Variants in CHLSN observed in about 807,000 individuals in gnomAD.
CHLSN encodes cholesin.
the CHLSN span, among the ~76,000 whole-genome samples, chr7:1,019,210 A>G: frequency 2.9e-5 from 2 of 69,850 alleles, no homozygotes; most frequent in African/African-American, 6.0e-5. Context: ...AAAAAAAAAA[A>G]ACGGGGGGGG....
the CHLSN span, among the ~76,000 whole-genome samples, chr7:1,088,894 A>G: frequency 6.6e-6 from 1 of 151,934 alleles, no homozygotes; most frequent in Non-Finnish European, 1.5e-5. The surrounding 1 kb of genome is among the most constrained non-coding windows in gnomAD (Gnocchi z 4.5). Context: ...ACACTAGGAC[A>G]CATCAGACAC....
chr7:1,007,092 G>T, the CHLSN span, among the ~76,000 whole-genome samples: 2 of 152,324 alleles, frequency 1.3e-5, no homozygotes, highest in South Asian at 4.1e-4. Context: ...GGGATCTGGA[G>T]GGGAGACCCC....
the CHLSN span, among the ~76,000 whole-genome samples, chr7:1,110,125 C>G: frequency 6.6e-6 from 1 of 152,208 alleles, no homozygotes; most frequent in Non-Finnish European, 1.5e-5. Flanking sequence ...CAGAGGACCT[C>G]GCGCCGGCCG....
the CHLSN span, among the ~76,000 whole-genome samples, chr7:1,066,677 C>T: frequency 2.6e-5 from 4 of 152,222 alleles, no homozygotes; most frequent in Non-Finnish European, 5.9e-5. Flanking sequence ...CTTGGTACTG[C>T]GTCCCCAGCT....
the CHLSN span, among the ~76,000 whole-genome samples, chr7:1,099,406 G>A: frequency 6.6e-6 from 1 of 152,262 alleles, no homozygotes; most frequent in African/African-American, 2.4e-5. Context: ...TTCGTTAGCA[G>A]CCACAAAACA....
chr7:1,057,731 A>G, the CHLSN span: 1 of 775,614 alleles, frequency 1.3e-6, no homozygotes, highest in East Asian at 2.4e-5. Context: ...TGGCAGTGGC[A>G]GGCCTGGTGC....
chr7:1,116,339 G>T, the CHLSN span, among the ~76,000 whole-genome samples: 3 of 132,112 alleles, frequency 2.3e-5, no homozygotes, highest in African/African-American at 9.2e-5. Context: ...CAACGCCCAT[G>T]CAGGATGATG....
chr7:1,001,810 G>A, the CHLSN span, among the ~76,000 whole-genome samples: 3 of 114,026 alleles, frequency 2.6e-5, no homozygotes, highest in Non-Finnish European at 5.4e-5. Flanking sequence ...TGGGTAGGGA[G>A]TCCTGTGGGT....
At chr7:1,021,455 G>A in the CHLSN span, 176 of 985,352 alleles carry the variant, frequency 1.8e-4, no homozygotes, top group Non-Finnish European at 2.0e-4. Context: ...CATTAAGTCT[G>A]ATCGGCAGTG....
chr7:1,105,781 T>C, the CHLSN span, among the ~76,000 whole-genome samples: 1 of 152,224 alleles, frequency 6.6e-6, no homozygotes, highest in African/African-American at 2.4e-5. Context: ...TTGGCTAACA[T>C]TTCTCTTTCT....
chr7:1,137,875 A>G, the CHLSN span: 3 of 152,262 alleles, frequency 2.0e-5, no homozygotes, highest in Admixed American at 6.5e-5. Context: ...TCAGAGAAAG[A>G]CAATGAAACC....
the CHLSN span, chr7:1,093,641 G>T: frequency 5.5e-5 from 26 of 471,172 alleles, no homozygotes; most frequent in Non-Finnish European, 1.1e-4. Flanking sequence ...GGTTAGTCGG[G>T]TGCCAGGACA....
At chr7:1,064,130 G>A in the CHLSN span, among the ~76,000 whole-genome samples, 1 of 152,212 alleles carries the variant, frequency 6.6e-6, no homozygotes, top group African/African-American at 2.4e-5. Flanking sequence ...GCACACATAT[G>A]CAAGCACGCA....
the CHLSN span, among the ~76,000 whole-genome samples, chr7:1,016,888 A>ACCAGCGCACAGCAGCACACG: frequency 2.5e-4 from 17 of 68,280 alleles, 2 homozygotes; most frequent in Non-Finnish European, 3.8e-4. Flanking sequence ...AGCAGCACAC[A>ACCAGCGCACAGCAGCACACG]CCAGCGCACA....
the CHLSN span, among the ~76,000 whole-genome samples, chr7:1,113,276 T>G: frequency 6.6e-6 from 1 of 151,990 alleles, no homozygotes. Flanking sequence ...TAAGAGAAAG[T>G]GCGAGTGAGC....
the CHLSN span, chr7:1,092,429 A>G: frequency 6.2e-7 from 1 of 1,608,374 alleles, no homozygotes; most frequent in Non-Finnish European, 8.5e-7. Context: ...GGCCTGTGCT[A>G]CTCCCTCATT....
At chr7:1,054,892 G>A in the CHLSN span, among the ~76,000 whole-genome samples, 1 of 152,240 alleles carries the variant, frequency 6.6e-6, no homozygotes, top group Non-Finnish European at 1.5e-5. Context: ...TGTGTCCTGT[G>A]GGCTGAGTGA....
chr7:1,047,789 C>G, the CHLSN span, among the ~76,000 whole-genome samples: 1 of 152,178 alleles, frequency 6.6e-6, no homozygotes, highest in Admixed American at 6.5e-5. Flanking sequence ...AACAACTGTC[C>G]GGGGACAATA....
At chr7:1,090,032 C>T in the CHLSN span, among the ~76,000 whole-genome samples, 2 of 151,058 alleles carry the variant, frequency 1.3e-5, no homozygotes, top group Non-Finnish European at 2.9e-5. Context: ...TGCAGTGAGC[C>T]GAGATTGTGC....
Sources: allele counts gnomAD v4.1 joint callset (sites outside exome capture counted in the v4.1 genomes callset), GRCh38; gene constraint gnomAD v4.1.1; non-coding constraint Gnocchi (gnomAD v3.1); transcripts MANE v1.5; gene names NCBI Gene and HGNC (gene_info 2026-07-23, HGNC 2026-07-21).